RBFOX1: variants seen among roughly 807,000 people sequenced by gnomAD.
RBFOX1 encodes the protein RNA binding protein fox-1 homolog 1.
In RBFOX1, 8 loss-of-function variants were observed where a neutral mutation model predicts 57.7. The observed-to-expected ratio is 0.14, with a 90% CI of 0.08 to 0.25. The LOEUF (loss-of-function observed/expected upper bound fraction) is 0.25, where lower values mean the gene tolerates loss of function less well. RBFOX1 is among the 10% of genes least tolerant of loss of function. The pLI is 1.00. For synonymous variants in RBFOX1, 326 were observed against 222.4 expected, an observed-to-expected ratio of 1.47 and a Z score of -4.15; for missense variants, 611 against 548.5, an observed-to-expected ratio of 1.11 and a Z score of -1.14.
chr16:6,974,854 A>G (rs565936315), intron 3 of RBFOX1, among the ~76,000 whole-genome samples: 2 of 152,204 alleles, frequency 1.3e-5, no homozygotes, highest in East Asian at 1.9e-4. Context: ...ACTCGCATTC[A>G]GTGCTCCCTG....
intron 4 of RBFOX1, among the ~76,000 whole-genome samples, chr16:7,115,762 C>G (rs542609757): frequency 3.9e-4 from 60 of 152,288 alleles, no homozygotes; most frequent in African/African-American, 1.4e-3. Context: ...CTTTTCATCC[C>G]TATAATTAAT....
At chr16:6,811,367 C>G (rs2088516239) in intron 3 of RBFOX1, among the ~76,000 whole-genome samples, 1 of 152,266 alleles carries the variant, frequency 6.6e-6, no homozygotes, top group African/African-American at 2.4e-5. Flanking sequence ...AGGATCACTT[C>G]TATTAAATGT....
chr16:5,458,582 TCA>T (rs2068698995), intron 1 of RBFOX1, among the ~76,000 whole-genome samples: 3 of 152,254 alleles, frequency 2.0e-5, no homozygotes, highest in Non-Finnish European at 4.4e-5. Flanking sequence ...AGGCAAGGCC[TCA>T]CAGCCTAGAC....
Position 5,411,735 on chromosome 16 carries a change from A to G in RBFOX1, c.220-55481A>G, listed in dbSNP as rs73522506. 5.7e-3 allele frequency among the ~76,000 whole-genome samples: 862 copies of G among 151,662 alleles called. 12 individuals carry two copies. The highest frequency in any genetic ancestry group is 0.02 in the African/African-American group (819 of 41,222). ...GGCAACATGGAAAGACCCCATCTGT[A>G]CAAAAAAAAAATTAGTCAGGCATGG... On this transcript the variant is annotated intron_variant, in intron 1 of 2. Transcript: ENST00000585867.
intron 4 of RBFOX1, among the ~76,000 whole-genome samples, chr16:5,960,358 G>T (rs2059723937): frequency 6.6e-6 from 1 of 152,160 alleles, no homozygotes. Flanking sequence ...CACGGATACG[G>T]AGTGGAAGAA....
At chr16:7,656,654 C>G (rs1316534578) in intron 12 of RBFOX1, among the ~76,000 whole-genome samples, 1 of 152,192 alleles carries the variant, frequency 6.6e-6, no homozygotes, top group African/African-American at 2.4e-5. Context: ...TTTACCCCAG[C>G]CCAGTGCAGC....
intron 3 of RBFOX1, among the ~76,000 whole-genome samples, chr16:6,869,970 A>T (rs1416101780): frequency 6.6e-6 from 1 of 152,146 alleles, no homozygotes; most frequent in Non-Finnish European, 1.5e-5. Flanking sequence ...AGGACCTATA[A>T]AATAAGGGAT....
chr16:6,017,248 A>T (rs1320113031), upstream of RBFOX1, among the ~76,000 whole-genome samples: 3 of 152,204 alleles, frequency 2.0e-5, no homozygotes, highest in Non-Finnish European at 2.9e-5. Context: ...TAGACAAACA[A>T]TTCCTGTTGG....
At chr16:5,630,894 TG>T (rs1448774835) in intron 3 of RBFOX1, among the ~76,000 whole-genome samples, 2 of 152,236 alleles carry the variant, frequency 1.3e-5, no homozygotes, top group African/African-American at 2.4e-5. Context: ...TGACCAAATA[TG>T]TTTTTTTTAG....
At chr16:5,974,042 C>T (rs969199709) in intron 4 of RBFOX1, among the ~76,000 whole-genome samples, 6 of 152,248 alleles carry the variant, frequency 3.9e-5, no homozygotes, top group South Asian at 2.1e-4. Flanking sequence ...AGATGATCAT[C>T]GTATCTACAT....
intron 3 of RBFOX1, among the ~76,000 whole-genome samples, chr16:6,809,904 T>C: frequency 6.6e-6 from 1 of 152,110 alleles, no homozygotes. Flanking sequence ...GTTGCTTTTG[T>C]ACAAATGAAT....
chr16:6,773,623 G>C (rs1217236093), intron 3 of RBFOX1, among the ~76,000 whole-genome samples: 2 of 135,574 alleles, frequency 1.5e-5, no homozygotes, highest in African/African-American at 5.7e-5. Flanking sequence ...GTGGGCATGG[G>C]GTGCATTTGT....
intron 4 of RBFOX1, among the ~76,000 whole-genome samples, chr16:7,491,888 A>T (rs1314864422): frequency 1.3e-5 from 2 of 152,158 alleles, no homozygotes; most frequent in Non-Finnish European, 2.9e-5. Flanking sequence ...TTCTCTGGCC[A>T]ATCTTCCAAA....
At chr16:6,791,419 T>C (rs980243584) in intron 3 of RBFOX1, among the ~76,000 whole-genome samples, 3 of 152,166 alleles carry the variant, frequency 2.0e-5, no homozygotes, top group African/African-American at 4.8e-5. Flanking sequence ...AAATGAAAGT[T>C]CAGGGCCCCT....
chr16:5,980,720 C>A (rs2060154741), intron 4 of RBFOX1, among the ~76,000 whole-genome samples: 1 of 151,948 alleles, frequency 6.6e-6, no homozygotes, highest in African/African-American at 2.4e-5. Context: ...CTTCTGGTGG[C>A]CTGAAAGAGC....
At chr16:5,810,435 G>A (rs1453522088) in intron 3 of RBFOX1, among the ~76,000 whole-genome samples, 1 of 152,202 alleles carries the variant, frequency 6.6e-6, no homozygotes, top group African/African-American at 2.4e-5. Context: ...GTCCAGAATT[G>A]TGGAAAATTA....
chr16:7,591,257 G>A (rs1024978603), intron 7 of RBFOX1, among the ~76,000 whole-genome samples: 4 of 152,078 alleles, frequency 2.6e-5, no homozygotes, highest in South Asian at 2.1e-4. Context: ...TAGTCCCATC[G>A]GAAAATGAAT....
At chr16:7,005,950 A>G (rs2093261792) in intron 3 of RBFOX1, among the ~76,000 whole-genome samples, 1 of 152,132 alleles carries the variant, frequency 6.6e-6, no homozygotes, top group African/African-American at 2.4e-5. Flanking sequence ...AAAAGCCCCA[A>G]TTCTTTAACC....
chr16:6,445,976 T>C (rs1411109813), intron 2 of RBFOX1, among the ~76,000 whole-genome samples: 1 of 151,604 alleles, frequency 6.6e-6, no homozygotes, highest in Non-Finnish European at 1.5e-5. Flanking sequence ...TTTTTTTTTA[T>C]TTTTTAGGGA....
Sources: gnomAD v4.1 joint callset for allele counts (sites outside exome capture counted in the v4.1 genomes callset) on GRCh38, gnomAD v4.1.1 for gene constraint, MANE v1.5 for transcripts, NCBI Gene and HGNC (gene_info 2026-07-23, HGNC 2026-07-21) for gene names.